The following TNRC6B variants were observed in gnomAD, a reference collection of about 807,000 sequenced individuals.
The protein encoded by TNRC6B is trinucleotide repeat containing adaptor 6B.
TNRC6B carries 52 observed loss-of-function variants against 203.6 expected under a neutral mutation model. The observed-to-expected ratio is 0.26, with a 90% CI of 0.20 to 0.32. The LOEUF (loss-of-function observed/expected upper bound fraction) is 0.32, where lower values mean the gene tolerates loss of function less well. Ranked by LOEUF, TNRC6B falls within the 10% of genes least tolerant of loss-of-function variation. The probability of loss-of-function intolerance (pLI) is 1.00; values close to 1 mark genes in which losing one functional copy is unlikely to be tolerated. For synonymous variants in TNRC6B, 838 were observed against 845.7 expected, an observed-to-expected ratio of 0.99 and a Z score of 0.16; for missense variants, 1,923 against 2,286.2, an observed-to-expected ratio of 0.84 and a Z score of 3.24.
chr22:40,100,312 A>G (rs1396607663), intron 1 of TNRC6B, among the ~76,000 whole-genome samples: 1 of 150,974 alleles, frequency 6.6e-6, no homozygotes, highest in African/African-American at 2.4e-5. Flanking sequence ...CTGGTCTCGA[A>G]CTTCTGGCCT....
chr22:40,218,833 G>C (rs2069671197), intron 1 of TNRC6B, among the ~76,000 whole-genome samples: 1 of 152,178 alleles, frequency 6.6e-6, no homozygotes, highest in African/African-American at 2.4e-5. Context: ...GAGGAGATGG[G>C]GATAAAAGTT....
chr22:40,235,472 G>C (rs555040883), intron 1 of TNRC6B, among the ~76,000 whole-genome samples: 20 of 152,202 alleles, frequency 1.3e-4, no homozygotes, highest in Admixed American at 5.2e-4. Flanking sequence ...TGGGTGCCCT[G>C]TGTGTCCTCT....
rs56078653 is a variant in TNRC6B at position 40,258,071 on chromosome 22, C to CTTTTTTTTTTTTTTTTTT, written c.116-3748_116-3731dup. Among the ~76,000 whole-genome samples the CTTTTTTTTTTTTTTTTTT allele has an allele frequency of 1.5e-3, 43 of 28,714 alleles. 7 individuals are homozygous for CTTTTTTTTTTTTTTTTTT. Among genetic ancestry groups the CTTTTTTTTTTTTTTTTTT allele is most frequent in the East Asian group, 3.7e-3 (2 of 536 alleles). The allele number at this position is 28,714 out of a possible 152,430, so 18.8% of individuals were successfully genotyped here. A position where few individuals can be genotyped will look rare whatever the true frequency, so the allele number is the denominator to read the frequency against. On this transcript the variant is annotated intron_variant, in intron 3 of 22. Coordinates refer to ENST00000454349, the MANE Select transcript of TNRC6B (RefSeq NM_001162501.2). ...GAAATCAGAAAATAGGATACACAGC[C>CTTTTTTTTTTTTTTTTTT]TTTTTTTTTTTTTTTTTTTTTTTTT...
At chr22:40,071,650 C>T (rs1175141288) in intron 1 of TNRC6B, among the ~76,000 whole-genome samples, 1 of 152,142 alleles carries the variant, frequency 6.6e-6, no homozygotes, top group Non-Finnish European at 1.5e-5. Context: ...AAGGTTTGGA[C>T]CCTTTTAAAA....
chr22:40,320,597 G>C (rs2071322340), intron 21 of TNRC6B, among the ~76,000 whole-genome samples: 1 of 152,234 alleles, frequency 6.6e-6, no homozygotes, highest in Non-Finnish European at 1.5e-5. Context: ...CTTAAGTGGT[G>C]AAAGTCTAAC....
intron 16 of TNRC6B, among the ~76,000 whole-genome samples, chr22:40,309,640 C>CA (rs1386606876): frequency 6.6e-6 from 1 of 152,170 alleles, no homozygotes; most frequent in Non-Finnish European, 1.5e-5. Flanking sequence ...GATGATTCAC[C>CA]AGGTCCCCTT....
intron 3 of TNRC6B, among the ~76,000 whole-genome samples, chr22:40,150,194 G>A (rs892551693): frequency 6.6e-6 from 1 of 151,958 alleles, no homozygotes; most frequent in Non-Finnish European, 1.5e-5. Flanking sequence ...TGGCTAACAC[G>A]GTGAAACCCC....
chr22:40,169,023 C>A (rs1476149013), intron 4 of TNRC6B, among the ~76,000 whole-genome samples: 2 of 152,004 alleles, frequency 1.3e-5, no homozygotes, highest in South Asian at 4.1e-4. Flanking sequence ...TTTTTGTATG[C>A]CCCTGGGCCT....
intron 1 of TNRC6B, among the ~76,000 whole-genome samples, chr22:40,101,350 G>T (rs2068239350): frequency 6.6e-6 from 1 of 152,102 alleles, no homozygotes; most frequent in South Asian, 2.1e-4. Flanking sequence ...CACCCCGAGG[G>T]CTTGTTAACA....
chr22:40,109,296 C>G (rs1176032750), intron 1 of TNRC6B, among the ~76,000 whole-genome samples: 1 of 152,106 alleles, frequency 6.6e-6, no homozygotes, highest in African/African-American at 2.4e-5. Context: ...TGGGTATATA[C>G]CCAGTAATGG....
Position 40,330,661 on chromosome 22 carries a change from A to G in TNRC6B, c.*7420A>G, listed in dbSNP as rs1326056942. Reference sequence around the variant, plus strand: ...TTGGAATAAATGTGTTTAAAACATCATCCACCGCCCTTTTTAAATTTTGTC... The same window carrying G: ...TTGGAATAAATGTGTTTAAAACATCGTCCACCGCCCTTTTTAAATTTTGTC... On this transcript the variant is annotated 3_prime_UTR_variant, in exon 23 of 23. Coordinates refer to ENST00000454349, the MANE Select transcript of TNRC6B (RefSeq NM_001162501.2). 1 of 152,682 alleles carries G rather than the reference A, an allele frequency of 6.5e-6. No homozygotes were observed. Among genetic ancestry groups the G allele is most frequent in the Non-Finnish European group, 1.5e-5 (1 of 68,048 alleles). 9.5% of individuals were successfully genotyped at this position (152,682 alleles called of 1,614,324 possible). A position where few individuals can be genotyped will look rare whatever the true frequency, so the allele number is the denominator to read the frequency against.
At chr22:40,182,870 C>T (rs2146382713) in intron 1 of TNRC6B, among the ~76,000 whole-genome samples, 1 of 152,302 alleles carries the variant, frequency 6.6e-6, no homozygotes, top group Admixed American at 6.5e-5. Flanking sequence ...TTATCTTTTG[C>T]ATTACCTCTG....
At chr22:40,280,508 T>A (rs1344736328) in intron 10 of TNRC6B, among the ~76,000 whole-genome samples, 1 of 152,266 alleles carries the variant, frequency 6.6e-6, no homozygotes, top group Non-Finnish European at 1.5e-5. Context: ...TGCCTTCTTC[T>A]AGTTTTGAGA....
At chr22:40,068,371 G>A (rs1442569669) in intron 1 of TNRC6B, among the ~76,000 whole-genome samples, 2 of 152,042 alleles carry the variant, frequency 1.3e-5, no homozygotes, top group African/African-American at 4.8e-5. Context: ...AGGCTGGAGT[G>A]CAGTGGCGCA....
chr22:40,329,327 G>A lies in TNRC6B; in HGVS notation c.*6086G>A, dbSNP rs907348324. The A allele has an allele frequency of 6.6e-6, 1 of 152,212 alleles. No homozygotes were observed. The highest frequency in any genetic ancestry group is 1.5e-5 in the Non-Finnish European group (1 of 68,046). The allele number at this position is 152,212 out of a possible 1,614,324, so 9.4% of individuals were successfully genotyped here. A position where few individuals can be genotyped will look rare whatever the true frequency, so the allele number is the denominator to read the frequency against. ...CTGTAAGAAAACAGAATATTATCTA[G>A]ATTTCCAGAGTTAGTGCAGACCCTG... On this transcript the variant is annotated 3_prime_UTR_variant, in exon 23 of 23. Transcript: ENST00000454349.
chr22:40,078,838 C>A (rs564840682), intron 1 of TNRC6B, among the ~76,000 whole-genome samples: 2 of 151,714 alleles, frequency 1.3e-5, no homozygotes, highest in Non-Finnish European at 2.9e-5. Flanking sequence ...GTTTGGGAGG[C>A]CGAGGTGGGT....
chr22:40,177,058 C>T (rs2146375146), upstream of TNRC6B, among the ~76,000 whole-genome samples: 1 of 152,226 alleles, frequency 6.6e-6, no homozygotes, highest in Admixed American at 6.5e-5. Context: ...GCCGCGGGGG[C>T]TGGAGATGCA....
chr22:40,155,639 G>T (rs2068813054), intron 3 of TNRC6B, among the ~76,000 whole-genome samples: 2 of 152,162 alleles, frequency 1.3e-5, no homozygotes, highest in African/African-American at 4.8e-5. Context: ...CACTAGGAGT[G>T]GATAAGAGTT....
At chr22:40,315,675 A>G (rs990066609) in intron 20 of TNRC6B, among the ~76,000 whole-genome samples, 168 bp downstream of exon 20, 1 of 13,166 alleles carries the variant, frequency 7.6e-5, no homozygotes, top group Non-Finnish European at 1.6e-4. Context: ...AGTCGCAGTC[A>G]GTATAAGGCA....
Sources: gnomAD v4.1 joint callset for allele counts (sites outside exome capture counted in the v4.1 genomes callset) on GRCh38, gnomAD v4.1.1 for gene constraint, MANE v1.5 for transcripts, NCBI Gene and HGNC (gene_info 2026-07-23, HGNC 2026-07-21) for gene names.